PHF20: variants seen among roughly 807,000 people sequenced by gnomAD.
PHF20 encodes glioma-expressed antigen 2.
Under a neutral mutation model 113.5 loss-of-function variants are expected in PHF20, and 23 were observed. That is an observed-to-expected ratio of 0.20 (90% confidence interval 0.15 to 0.29). The LOEUF is 0.29. PHF20 is among the 10% of genes least tolerant of loss of function. The pLI is 1.00. For missense variants in PHF20, 943 were observed against 1,219.6 expected (o/e 0.77, Z 3.38); for synonymous variants, 434 against 457.3 (o/e 0.95, Z 0.65).
At chr20:35,786,385 G>A (rs754487553) in intron 1 of PHF20, among the ~76,000 whole-genome samples, 33 of 151,556 alleles carry the variant, frequency 2.2e-4, no homozygotes, top group Non-Finnish European at 3.7e-4. Context: ...GCGCGACTCC[G>A]TCTCAATAAA....
intron 17 of PHF20, among the ~76,000 whole-genome samples, chr20:35,946,783 C>T (rs940798929): frequency 6.6e-6 from 1 of 151,720 alleles, no homozygotes; most frequent in Non-Finnish European, 1.5e-5. Context: ...GATCTCGGCT[C>T]ACTGCGACCT....
At chr20:35,772,520 A>G (rs905200565) in intron 1 of PHF20, among the ~76,000 whole-genome samples, 4 of 152,110 alleles carry the variant, frequency 2.6e-5, no homozygotes, top group African/African-American at 9.7e-5. Context: ...TTTTTATCCT[A>G]TTCTGGGGAG....
chr20:35,812,129 C>T (rs1241752991), intron 2 of PHF20, among the ~76,000 whole-genome samples: 2 of 152,208 alleles, frequency 1.3e-5, no homozygotes, highest in African/African-American at 2.4e-5. Flanking sequence ...GGACATTATA[C>T]CTTCCACCTG....
chr20:35,842,654 T>G lies in PHF20; in HGVS notation c.165T>G (p.Asp55Glu). Residue 55 changes from aspartate (D) to glutamate (E), a missense_variant, in exon 3 of 18, where the codon GAT becomes GAG. Asp to Glu is a conservative substitution (Grantham distance 45). This residue lies in a region of PHF20 where 592 missense variants were observed against 787.2 expected (regional missense o/e 0.75). Coordinates refer to ENST00000374012, the MANE Select transcript of PHF20 (RefSeq NM_016436.5). ...IHFKRWNHRY[D>E]EWFCWDSPYL... is the part of the protein sequence containing the mutation. Reference sequence around the variant, plus strand: ...TCAAGCGTTGGAACCATCGTTATGATGAGTGGTTCTGCTGGGACAGTCCTT... The same window carrying G: ...TCAAGCGTTGGAACCATCGTTATGAGGAGTGGTTCTGCTGGGACAGTCCTT... The G allele has an allele frequency of 6.2e-7, 1 of 1,613,942 alleles. No individual in the cohort carries two copies. The highest frequency in any genetic ancestry group is 8.5e-7 in the Non-Finnish European group (1 of 1,179,808).
intron 1 of PHF20, among the ~76,000 whole-genome samples, chr20:35,789,600 G>A (rs2041497674): frequency 1.3e-5 from 2 of 152,014 alleles, no homozygotes; most frequent in African/African-American, 4.8e-5. Context: ...AGGCTGGAGT[G>A]CAGTGGCGGG....
chr20:35,807,350 C>CTTTT (rs35614615), intron 2 of PHF20, among the ~76,000 whole-genome samples: 9 of 122,310 alleles, frequency 7.4e-5, no homozygotes, highest in East Asian at 4.7e-4. Flanking sequence ...ATGAATGGAT[C>CTTTT]TTTTTTTTTT....
intron 2 of PHF20, among the ~76,000 whole-genome samples, chr20:35,834,668 C>T (rs1446778193): frequency 1.3e-5 from 2 of 152,070 alleles, no homozygotes; most frequent in East Asian, 1.9e-4. Flanking sequence ...TGGGCTCTTG[C>T]CACCCTAGGG....
chr20:35,823,628 G>C (rs2042211587), intron 2 of PHF20, among the ~76,000 whole-genome samples: 1 of 94,856 alleles, frequency 1.1e-5, no homozygotes, highest in Non-Finnish European at 1.9e-5. Context: ...GCGAGACCCT[G>C]TCTCAAAAAA....
chr20:35,785,732 T>G (rs560906754), intron 1 of PHF20, among the ~76,000 whole-genome samples: 2 of 152,152 alleles, frequency 1.3e-5, no homozygotes, highest in Admixed American at 1.3e-4. Flanking sequence ...TCCAAATTGT[T>G]TTCCTTTGTA....
At chr20:35,860,015 A>G (rs2054189761) in intron 5 of PHF20, among the ~76,000 whole-genome samples, 1 of 151,978 alleles carries the variant, frequency 6.6e-6, no homozygotes, top group African/African-American at 2.4e-5. Flanking sequence ...CCGCCTCCCA[A>G]GTTAAAGTGA....
intron 9 of PHF20, among the ~76,000 whole-genome samples, chr20:35,896,506 C>G (rs2054986969): frequency 6.6e-6 from 1 of 151,996 alleles, no homozygotes; most frequent in South Asian, 2.1e-4. Context: ...AACTGCATTT[C>G]TAACACACAA....
intron 11 of PHF20, 143 bp downstream of exon 11, chr20:35,913,490 G>A (rs928277823): frequency 7.3e-6 from 5 of 682,502 alleles, no homozygotes; most frequent in Non-Finnish European, 1.3e-5. Flanking sequence ...GCTCAACCTA[G>A]TATGGGCCCT....
At chr20:35,879,015 T>C (rs1194759281) in intron 9 of PHF20, among the ~76,000 whole-genome samples, 1 of 152,198 alleles carries the variant, frequency 6.6e-6, no homozygotes, top group East Asian at 1.9e-4. Flanking sequence ...CCTTCTTAAA[T>C]TGTTAAGATG....
At chr20:35,892,264 G>A (rs549929653) in intron 9 of PHF20, among the ~76,000 whole-genome samples, 11 of 137,578 alleles carry the variant, frequency 8.0e-5, no homozygotes, top group African/African-American at 2.2e-4. Context: ...TAGTAGAGAC[G>A]GGGTTTCACC....
intron 9 of PHF20, among the ~76,000 whole-genome samples, chr20:35,884,887 G>A (rs2054698616): frequency 6.6e-6 from 1 of 152,068 alleles, no homozygotes; most frequent in Non-Finnish European, 1.5e-5. Context: ...CTGGAGTGCA[G>A]TGATGAGATC....
At chr20:35,818,393 T>G (rs767999287) in intron 2 of PHF20, among the ~76,000 whole-genome samples, 6 of 152,146 alleles carry the variant, frequency 3.9e-5, no homozygotes, top group Non-Finnish European at 8.8e-5. Flanking sequence ...CCTGAGTAGC[T>G]GGGACTACAG....
intron 1 of PHF20, among the ~76,000 whole-genome samples, chr20:35,796,546 G>T (rs1400553577): frequency 6.6e-6 from 1 of 152,162 alleles, no homozygotes; most frequent in Non-Finnish European, 1.5e-5. Flanking sequence ...ACCCCAGGAG[G>T]TGTTCTAGTG....
At chr20:35,905,839 C>T (rs920956107) in intron 10 of PHF20, among the ~76,000 whole-genome samples, 1 of 152,202 alleles carries the variant, frequency 6.6e-6, no homozygotes, top group Non-Finnish European at 1.5e-5. Context: ...CTTCTGATGC[C>T]AGCCTTCTGT....
At chr20:35,895,128 A>G (rs1482322414) in intron 9 of PHF20, among the ~76,000 whole-genome samples, 3 of 152,064 alleles carry the variant, frequency 2.0e-5, no homozygotes, top group South Asian at 2.1e-4. Context: ...GGTTCAAGCA[A>G]TTCTTCCACC....
Sources: gnomAD v4.1 joint callset for allele counts (sites outside exome capture counted in the v4.1 genomes callset) on GRCh38, gnomAD v4.1.1 for gene constraint, gnomAD v4.1.1 regional missense constraint, MANE v1.5 for transcripts, NCBI Gene and HGNC (gene_info 2026-07-23, HGNC 2026-07-21) for gene names.